Variants in PCSK6 observed in about 807,000 individuals in gnomAD.
PCSK6 encodes paired basic amino acid cleaving enzyme 4.
In PCSK6, 85 loss-of-function variants were observed where a neutral mutation model predicts 123.3. That is an observed-to-expected ratio of 0.69 (90% CI 0.58 to 0.83). The LOEUF (loss-of-function observed/expected upper bound fraction) is 0.83. Ranked by LOEUF, PCSK6 falls within the 40% of genes least tolerant of loss-of-function variation. PCSK6 has a pLI of 0.00. For synonymous variants in PCSK6, 508 were observed against 516.0 expected (o/e 0.98, Z 0.21); for missense variants, 1,191 against 1,282.3 (o/e 0.93, Z 1.09).
At chr15:101,329,680 T>C (rs973852696) in intron 15 of PCSK6, among the ~76,000 whole-genome samples, 1 of 152,240 alleles carries the variant, frequency 6.6e-6, no homozygotes, top group Non-Finnish European at 1.5e-5. Context: ...CGATGCCACG[T>C]GGGTTCTTGG....
Position 101,459,422 on chromosome 15 carries a change from G to C in PCSK6, c.298-15762C>G, listed in dbSNP as rs55990600. ...CCACCCAGTTCTCCCGGCTTGCTCCGCGTCTCCTCTCCCTAAGTCCACATC... is the reference window on the plus strand; with the variant it reads ...CCACCCAGTTCTCCCGGCTTGCTCCCCGTCTCCTCTCCCTAAGTCCACATC... On this transcript the variant is annotated intron_variant, in intron 1 of 21. Transcript: ENST00000611716. Among the ~76,000 whole-genome samples the C allele has an allele frequency of 1.1e-4, 13 of 117,602 alleles. 1 individual carries two copies. In the South Asian group the frequency reaches 3.9e-3, roughly 35 times the overall value. The allele number at this position is 117,602 out of a possible 152,430, so 77.2% of individuals were successfully genotyped here. A position where few individuals can be genotyped will look rare whatever the true frequency, so the allele number is the denominator to read the frequency against.
At chr15:101,318,285 G>A (rs764067167) in intron 19 of PCSK6, 34 bp downstream of exon 19, 37 of 1,470,716 alleles carry the variant, frequency 2.5e-5, no homozygotes, top group South Asian at 2.1e-4. Flanking sequence ...CTTGGGTGAC[G>A]CTGGCCCGAG....
At chr15:101,378,982 G>A (rs1213844892) in intron 11 of PCSK6, among the ~76,000 whole-genome samples, 1 of 152,194 alleles carries the variant, frequency 6.6e-6, no homozygotes, top group Non-Finnish European at 1.5e-5. Context: ...CGCGCCTTTG[G>A]GCCTGAGCAT....
chr15:101,431,221 G>A (rs558117877), intron 4 of PCSK6, 99 bp downstream of exon 4: 4 of 1,243,222 alleles, frequency 3.2e-6, no homozygotes, highest in Non-Finnish European at 4.6e-6. Flanking sequence ...CTTAATGGGG[G>A]CTGGGGGAGA....
chr15:101,461,025 G>T (rs2057329291), intron 1 of PCSK6, among the ~76,000 whole-genome samples: 1 of 152,040 alleles, frequency 6.6e-6, no homozygotes, highest in African/African-American at 2.4e-5. Context: ...ATTAGGACCA[G>T]AACTCTGTAA....
intron 1 of PCSK6, among the ~76,000 whole-genome samples, chr15:101,458,395 G>C (rs11852310): frequency 0.7 from 106,733 of 151,948 alleles, 38,793 homozygotes; most frequent in Non-Finnish European, 0.82. Flanking sequence ...GTAGAGACCC[G>C]AGCTGGGCAA....
intron 6 of PCSK6, among the ~76,000 whole-genome samples, chr15:101,412,221 G>C (rs1187229768): frequency 2.0e-5 from 3 of 152,170 alleles, no homozygotes; most frequent in African/African-American, 7.2e-5. Flanking sequence ...GCTGAAGTCA[G>C]GTATAGCCTC....
Position 101,324,227 on chromosome 15 carries a change from C to T in PCSK6, c.2377+623G>A, listed in dbSNP as rs549998132. Among the ~76,000 whole-genome samples the T allele has an allele frequency of 3.3e-5, 5 of 152,334 alleles. No homozygotes were observed. In the East Asian group the frequency reaches 5.8e-4, roughly 18 times the overall value. ...GTGCGGTTGCCACCTGTGAAATGCC[C>T]GGCAAAGACAAACCCATCCCTTCCG... On this transcript the variant is annotated intron_variant, in intron 17 of 21. Transcript: ENST00000611716.
At chr15:101,471,059 C>T (rs959316620) in intron 1 of PCSK6, among the ~76,000 whole-genome samples, 3 of 152,192 alleles carry the variant, frequency 2.0e-5, no homozygotes, top group Admixed American at 6.5e-5. Context: ...CCTTAAACCA[C>T]GGACTCTGCT....
intron 6 of PCSK6, among the ~76,000 whole-genome samples, chr15:101,409,402 A>G (rs9672285): frequency 0.024 from 3,585 of 149,212 alleles, 176 homozygotes; most frequent in African/African-American, 0.084. Context: ...TGGCTAACAC[A>G]GTGAAACCCC....
intron 6 of PCSK6, among the ~76,000 whole-genome samples, chr15:101,405,395 C>T (rs774191067): frequency 6.6e-5 from 10 of 152,116 alleles, no homozygotes; most frequent in African/African-American, 9.7e-5. Flanking sequence ...ACTCTAAGGA[C>T]GAGTCTGTGG....
In PCSK6 at chr15:101,489,505, C is replaced by T; in HGVS notation, c.166G>A (p.Ala56Thr). 1 of 1,050,664 alleles carries T rather than the reference C, an allele frequency of 9.5e-7. No homozygotes were observed. The highest frequency in any genetic ancestry group is 4.2e-5 in the South Asian group (1 of 24,036). The allele number at this position is 1,050,664 out of a possible 1,614,324, so 65.1% of individuals were successfully genotyped here. ...PRPWRWLLLLALPAACSAPPP... is the reference protein window; with the variant it reads ...PRPWRWLLLLTLPAACSAPPP... ...GGCGCGGAGCAGGCGGCAGGCAGCG[C>T]CAGCAGCAGCAGCCAGCGCCAGGGA... The change falls in exon 1 of 22, where the codon GCG becomes ACG. Residue 56 changes from alanine to threonine, a missense_variant. This residue lies in a region of PCSK6 where 204 missense variants were observed against 166.4 expected (regional missense o/e 1.23). Transcript: ENST00000611716.
intron 2 of PCSK6, among the ~76,000 whole-genome samples, chr15:101,442,025 T>C (rs992255359): frequency 6.6e-6 from 1 of 152,200 alleles, no homozygotes; most frequent in Non-Finnish European, 1.5e-5. Context: ...AGTTTTCTAC[T>C]GATCCACCCT....
chr15:101,370,436 C>G lies in PCSK6; in HGVS notation c.1620G>C (p.Glu540Asp). Residue 540 changes from glutamate to aspartate, a missense_variant, in exon 12 of 22, where the codon GAG (glutamate) becomes GAC (aspartate). Transcript: ENST00000611716. Reference sequence around the variant, plus strand: ...AGATGGAGGTGCGAACCACCACGTGCTCCAAGTAGACCACCCGCTGGTCCG... The same window carrying G: ...AGATGGAGGTGCGAACCACCACGTGGTCCAAGTAGACCACCCGCTGGTCCG... ...EHSDQRVVYL[E>D]HVVVRTSISH... The G allele has an allele frequency of 6.4e-7, 1 of 1,551,978 alleles. No individual in the cohort carries two copies. Among genetic ancestry groups the G allele is most frequent in the Non-Finnish European group, 8.7e-7 (1 of 1,147,124 alleles).
At chr15:101,474,755 C>A (rs77283756) in intron 1 of PCSK6, among the ~76,000 whole-genome samples, 7,191 of 152,218 alleles carry the variant, frequency 0.047, 226 homozygotes, top group East Asian at 0.088. Flanking sequence ...GGAGGCTGCA[C>A]CCTACTCAGC....
intron 2 of PCSK6, among the ~76,000 whole-genome samples, chr15:101,441,639 C>G (rs146951427): frequency 1.5e-3 from 233 of 152,324 alleles, no homozygotes; most frequent in African/African-American, 5.3e-3. Context: ...TGCCTTAGTT[C>G]TAACCATTAA....
intron 18 of PCSK6, among the ~76,000 whole-genome samples, chr15:101,320,904 G>A (rs917854462): frequency 1.8e-4 from 28 of 152,312 alleles, no homozygotes; most frequent in African/African-American, 6.7e-4. Context: ...GCCTCTATGT[G>A]GCGGGGCTAC....
intron 13 of PCSK6, among the ~76,000 whole-genome samples, chr15:101,335,512 G>A (rs1007909040): frequency 3.3e-5 from 5 of 152,188 alleles, no homozygotes; most frequent in Non-Finnish European, 4.4e-5. Flanking sequence ...TTGGTTCCCC[G>A]TTTCTTGTGT....
Position 101,347,891 on chromosome 15 carries a change from G to A in PCSK6, c.1859-15860C>T, listed in dbSNP as rs141802864. 4.0e-4 allele frequency: 309 copies of A among 763,658 alleles called. No homozygotes were observed. The East Asian group carries it at 6.8e-3, about 17-fold the overall frequency. The allele number at this position is 763,658 out of a possible 1,614,324, so 47.3% of individuals were successfully genotyped here. On this transcript the variant is annotated intron_variant, in intron 13 of 21. Coordinates refer to ENST00000611716, the MANE Select transcript of PCSK6 (RefSeq NM_002570.5). Reference sequence around the variant, plus strand: ...GAGGAAGCGCCCGGGGTTGACAAATGGAAGGAGCTGTGTTTCAAGCTGGCT... The same window carrying A: ...GAGGAAGCGCCCGGGGTTGACAAATAGAAGGAGCTGTGTTTCAAGCTGGCT...
Sources: allele counts gnomAD v4.1 joint callset (sites outside exome capture counted in the v4.1 genomes callset), GRCh38; gene constraint gnomAD v4.1.1; regional missense constraint gnomAD v4.1.1; transcripts MANE v1.5; gene names NCBI Gene and HGNC (gene_info 2026-07-23, HGNC 2026-07-21).